Variants in NOL4 observed in about 807,000 individuals in gnomAD.
NOL4 encodes the protein cancer/testis antigen 125.
Under a neutral mutation model 75.9 loss-of-function variants are expected in NOL4, and 17 were observed. The ratio of observed to expected loss-of-function variants is 0.22; its 90% CI spans 0.15 to 0.34. NOL4 has a LOEUF of 0.34. NOL4 is among the 10% of genes least tolerant of loss of function. The pLI is 1.00. For synonymous variants in NOL4, 292 were observed against 289.9 expected (o/e 1.01, Z -0.07); for missense variants, 614 against 793.5 (o/e 0.77, Z 2.72).
chr18:34,197,114 T>C lies in NOL4; in HGVS notation c.264+25876A>G, dbSNP rs552233047. Among the ~76,000 whole-genome samples the C allele has an allele frequency of 5.9e-5, 9 of 152,104 alleles. No individual in the cohort carries two copies. In the East Asian group the frequency reaches 1.5e-3, roughly 26 times the overall value. On this transcript the variant is annotated intron_variant, in intron 1 of 10. Transcript: ENST00000261592. ...AAACTACAAAAGGGTGCTAAACTTA[T>C]ATAGAAATTGCAATATATAACATGG... is the stretch of plus-strand genomic sequence containing the variant.
intron 2 of NOL4, among the ~76,000 whole-genome samples, chr18:34,117,139 C>T (rs1293100567): frequency 6.6e-6 from 1 of 152,136 alleles, no homozygotes; most frequent in Non-Finnish European, 1.5e-5. Flanking sequence ...ATGGATTATG[C>T]TGAATCAGAA....
At chr18:34,212,473 G>T (rs773548932) in intron 1 of NOL4, among the ~76,000 whole-genome samples, 1 of 152,152 alleles carries the variant, frequency 6.6e-6, no homozygotes, top group African/African-American at 2.4e-5. Context: ...TTACATTAAA[G>T]AACTATGTAT....
At chr18:34,116,989 A>G (rs899797736) in intron 2 of NOL4, among the ~76,000 whole-genome samples, 1 of 152,172 alleles carries the variant, frequency 6.6e-6, no homozygotes, top group African/African-American at 2.4e-5. Context: ...GGTTCCTGAA[A>G]TGGTAGAGAA....
At chr18:33,907,608 G>A (rs1311217789) in intron 9 of NOL4, among the ~76,000 whole-genome samples, 5 of 151,986 alleles carry the variant, frequency 3.3e-5, no homozygotes, top group African/African-American at 1.2e-4. Flanking sequence ...TTTTTTATAG[G>A]AGTTAACCGT....
chr18:33,882,639 T>A (rs1301594364), intron 10 of NOL4, among the ~76,000 whole-genome samples: 3 of 150,186 alleles, frequency 2.0e-5, no homozygotes, highest in African/African-American at 4.9e-5. Flanking sequence ...ATTGTGGAAG[T>A]CAGTGTGGCG....
At chr18:34,047,946 A>G (rs2076456995) in intron 5 of NOL4, among the ~76,000 whole-genome samples, 1 of 152,086 alleles carries the variant, frequency 6.6e-6, no homozygotes, top group East Asian at 1.9e-4. Context: ...CCTTTTCATC[A>G]TATTATAATG....
intron 1 of NOL4, among the ~76,000 whole-genome samples, chr18:34,145,093 A>G (rs1006845685): frequency 1.3e-4 from 20 of 152,132 alleles, no homozygotes; most frequent in Admixed American, 6.6e-5. Context: ...TATATTGCTC[A>G]ATTATACTAG....
chr18:33,980,497 A>G (rs2071864652), intron 6 of NOL4, among the ~76,000 whole-genome samples: 1 of 152,024 alleles, frequency 6.6e-6, no homozygotes, highest in African/African-American at 2.4e-5. Flanking sequence ...TTATTTTACC[A>G]GAGCCTAAAT....
At chr18:33,879,571 C>T (rs968539463) in intron 10 of NOL4, among the ~76,000 whole-genome samples, 17 of 152,112 alleles carry the variant, frequency 1.1e-4, no homozygotes, top group African/African-American at 3.6e-4. Context: ...GTACCAACTA[C>T]TCTGGAGGCT....
chr18:34,222,554 A>G (rs1444153311), intron 1 of NOL4: 1 of 657,204 alleles, frequency 1.5e-6, no homozygotes, highest in East Asian at 1.4e-4. Context: ...ACTGTAGACT[A>G]TCGATCAGAC....
intron 5 of NOL4, among the ~76,000 whole-genome samples, chr18:34,042,315 C>T (rs888422140): frequency 4.6e-5 from 7 of 151,958 alleles, no homozygotes; most frequent in African/African-American, 1.7e-4. Flanking sequence ...ACATCCCTCC[C>T]ACCAAACCCC....
chr18:33,912,422 G>T (rs1386805655), intron 9 of NOL4, among the ~76,000 whole-genome samples: 3 of 151,974 alleles, frequency 2.0e-5, no homozygotes, highest in African/African-American at 7.2e-5. Flanking sequence ...TTAGAATCAG[G>T]ATAGGTACAT....
chr18:34,057,167 T>TA (rs2076865871), intron 5 of NOL4, among the ~76,000 whole-genome samples: 1 of 152,160 alleles, frequency 6.6e-6, no homozygotes, highest in Non-Finnish European at 1.5e-5. Context: ...AGCATCACCT[T>TA]AAGGCAGGGA....
intron 10 of NOL4, among the ~76,000 whole-genome samples, chr18:33,868,216 T>C (rs867557380): frequency 6.6e-6 from 1 of 151,726 alleles, no homozygotes; most frequent in African/African-American, 2.4e-5. Context: ...GGGTAATTTT[T>C]TTTTTTTTTC....
chr18:33,890,373 G>A (rs1475919863), intron 9 of NOL4, among the ~76,000 whole-genome samples: 1 of 152,106 alleles, frequency 6.6e-6, no homozygotes, highest in Non-Finnish European at 1.5e-5. Context: ...CGAAATAAAA[G>A]AGGACACAAA....
chr18:34,079,631 C>G (rs1355400636), intron 5 of NOL4, among the ~76,000 whole-genome samples: 3 of 151,756 alleles, frequency 2.0e-5, no homozygotes, highest in Non-Finnish European at 4.4e-5. Context: ...GTATGCTTTT[C>G]CCAGTGAGCA....
chr18:34,188,783 C>A (rs968876201), intron 1 of NOL4, among the ~76,000 whole-genome samples: 1 of 152,148 alleles, frequency 6.6e-6, no homozygotes, highest in Non-Finnish European at 1.5e-5. Flanking sequence ...GTTCAAAAAC[C>A]ATAGTCAAAC....
intron 10 of NOL4, among the ~76,000 whole-genome samples, chr18:33,870,657 T>C (rs1315987040): frequency 6.6e-6 from 1 of 151,924 alleles, no homozygotes; most frequent in Non-Finnish European, 1.5e-5. Flanking sequence ...TCCTTCACAA[T>C]TATGGATAAA....
At chr18:33,996,267 G>T (rs2073278690) in intron 6 of NOL4, among the ~76,000 whole-genome samples, 1 of 151,676 alleles carries the variant, frequency 6.6e-6, no homozygotes, top group Admixed American at 6.6e-5. Flanking sequence ...AAATTCCTAA[G>T]CAGTCTCCTA....
Sources: gnomAD v4.1 joint callset for allele counts (sites outside exome capture counted in the v4.1 genomes callset) on GRCh38, gnomAD v4.1.1 for gene constraint, MANE v1.5 for transcripts, NCBI Gene and HGNC (gene_info 2026-07-23, HGNC 2026-07-21) for gene names.